Variants in ANKRD30A observed in about 807,000 individuals in gnomAD.
ANKRD30A encodes ankyrin repeat domain 30A, also known as ankyrin repeat domain-containing protein 30A.
Under a neutral mutation model 166.3 loss-of-function variants are expected in ANKRD30A, and 170 were observed. The ratio of observed to expected loss-of-function variants is 1.02; its 90% CI spans 0.90 to 1.16. The LOEUF is 1.16. ANKRD30A is among the 50% of genes most tolerant of loss of function. The pLI, the probability that ANKRD30A is intolerant of heterozygous loss-of-function variation, is 0.00. For synonymous variants in ANKRD30A, 564 were observed against 508.9 expected, an observed-to-expected ratio of 1.11 and a Z score of -1.46; for missense variants, 1,630 against 1,518.0, an observed-to-expected ratio of 1.07 and a Z score of -1.23.
chr10:37,248,295 T>TTCAGTTCTGG, the ANKRD30A span: 1 of 494,536 alleles, frequency 2.0e-6, no homozygotes, highest in Non-Finnish European at 4.0e-6. Context: ...CCTTCCACTG[T>TTCAGTTCTGG]TCAGTTCTGG....
At chr10:37,193,686 T>A (rs1250637445) in intron 27 of ANKRD30A, among the ~76,000 whole-genome samples, 2 of 152,104 alleles carry the variant, frequency 1.3e-5, no homozygotes, top group Non-Finnish European at 2.9e-5. Context: ...AATCAGTTTT[T>A]TTTTTATTAG....
the ANKRD30A span, among the ~76,000 whole-genome samples, chr10:37,260,790 T>TA: frequency 1.3e-5 from 2 of 152,020 alleles, no homozygotes; most frequent in Admixed American, 6.6e-5. Context: ...GGACTGAGTA[T>TA]AAAAAAGAAT....
At chr10:37,261,059 A>G in the ANKRD30A span, among the ~76,000 whole-genome samples, 1 of 152,214 alleles carries the variant, frequency 6.6e-6, no homozygotes. Flanking sequence ...AAAAAAATAT[A>G]AAAGAATAAA....
At chr10:37,201,959 G>A (rs1364130784) in intron 31 of ANKRD30A, among the ~76,000 whole-genome samples, 1 of 151,896 alleles carries the variant, frequency 6.6e-6, no homozygotes, top group Admixed American at 6.6e-5. Flanking sequence ...GAAAATCAGC[G>A]GGAAACCTAG....
At chr10:37,220,320 A>G (rs1311572029) in intron 34 of ANKRD30A, among the ~76,000 whole-genome samples, 2 of 151,052 alleles carry the variant, frequency 1.3e-5, no homozygotes, top group Non-Finnish European at 1.5e-5. Context: ...TGAAATTAAG[A>G]TTCAATTTAG....
intron 34 of ANKRD30A, among the ~76,000 whole-genome samples, chr10:37,225,161 A>C (rs561510204): frequency 1.3e-5 from 2 of 151,184 alleles, no homozygotes; most frequent in South Asian, 4.1e-4. Flanking sequence ...TAAAAACTAT[A>C]TATATGGTTA....
the ANKRD30A span, among the ~76,000 whole-genome samples, chr10:37,237,941 G>C: frequency 6.6e-6 from 1 of 152,002 alleles, no homozygotes; most frequent in African/African-American, 2.4e-5. Context: ...GGATTTAATA[G>C]GAAAGAAAGA....
intron 9 of ANKRD30A, among the ~76,000 whole-genome samples, chr10:37,148,477 T>A (rs11011049): frequency 0.11 from 16,750 of 151,998 alleles, 1,086 homozygotes; most frequent in Non-Finnish European, 0.15. Context: ...TAAATTTTTT[T>A]AAAAATTTTT....
chr10:37,212,890 AT>A (rs1842412061), intron 31 of ANKRD30A, among the ~76,000 whole-genome samples: 1 of 151,724 alleles, frequency 6.6e-6, no homozygotes, highest in African/African-American at 2.4e-5. Flanking sequence ...ATTTCAATGA[AT>A]TTGTCAATTT....
rs766585551 is a variant in ANKRD30A at position 37,142,247 on chromosome 10, T to G, written c.1350T>G (p.Ile450Met). ...TGGAAAAAGGAAGATCTAAGATGAT[T>G]GCATGTCCTACAAAAGAATCATCTA... is the stretch of plus-strand genomic sequence containing the variant. ...KVLEKGRSKM[I>M]ACPTKESSTK... Residue 450 changes from isoleucine to methionine, a missense_variant, in exon 7 of 36, where the codon ATT becomes ATG. Coordinates refer to ENST00000361713, the MANE Select transcript of ANKRD30A (RefSeq NM_052997.3). 4 of 1,602,002 alleles carry G rather than the reference T, an allele frequency of 2.5e-6. No individual in the cohort carries two copies. The Admixed American group carries it at 7.0e-5, about 28-fold the overall frequency.
At chr10:37,205,352 G>A (rs1160437046) in intron 31 of ANKRD30A, among the ~76,000 whole-genome samples, 2 of 143,586 alleles carry the variant, frequency 1.4e-5, no homozygotes. Flanking sequence ...CGCAAGGACA[G>A]AAAACCAAAC....
intron 1 of ANKRD30A, among the ~76,000 whole-genome samples, chr10:37,126,393 T>C (rs1482923689): frequency 6.6e-6 from 1 of 152,248 alleles, no homozygotes; most frequent in African/African-American, 2.4e-5. Context: ...AGATACATTA[T>C]GAAATGGTGC....
At position 37,183,454 on chromosome 10, in the gene ANKRD30A, G is replaced by C. The variant is rs552028045; in HGVS notation, c.2422-6013G>C. ...AGTGCCAAATAACAAATGGGCTCTT[G>C]TATATGAAATAATGTCTGAAGTTGC... is the stretch of plus-strand genomic sequence containing the variant. On this transcript the variant is annotated intron_variant, in intron 24 of 35. Coordinates refer to ENST00000361713, the MANE Select transcript of ANKRD30A (RefSeq NM_052997.3). Among the ~76,000 whole-genome samples the C allele has an allele frequency of 2.7e-5, 4 of 146,962 alleles. No homozygotes were observed. In the South Asian group the frequency reaches 8.9e-4, roughly 33 times the overall value.
At chr10:37,149,150 A>G (rs183134281) in intron 9 of ANKRD30A, among the ~76,000 whole-genome samples, 2 of 152,148 alleles carry the variant, frequency 1.3e-5, no homozygotes, top group Admixed American at 1.3e-4. Flanking sequence ...GGTTATGGAA[A>G]ACAATGAATA....
chr10:37,247,483 G>A, the ANKRD30A span, among the ~76,000 whole-genome samples: 1 of 151,986 alleles, frequency 6.6e-6, no homozygotes, highest in Admixed American at 6.5e-5. Context: ...GAATCTCATG[G>A]TTTGTACTTG....
At chr10:37,201,139 C>A in intron 30 of ANKRD30A, 96 bp from the exon 31 acceptor site, 2 of 1,040,136 alleles carry the variant, frequency 1.9e-6, no homozygotes, top group Non-Finnish European at 2.7e-6. Context: ...CAAAATAGGA[C>A]TTTTTTTTAA....
intron 13 of ANKRD30A, among the ~76,000 whole-genome samples, chr10:37,153,919 A>C (rs1838160099): frequency 6.6e-6 from 1 of 152,184 alleles, no homozygotes; most frequent in Non-Finnish European, 1.5e-5. Flanking sequence ...AATAAGAAAG[A>C]AGAATGTAGT....
intron 32 of ANKRD30A, 141 bp downstream of exon 32, chr10:37,216,535 A>T: frequency 1.4e-6 from 1 of 732,918 alleles, no homozygotes. Flanking sequence ...AATTCTTTAA[A>T]TAATACAAGT....
At chr10:37,247,968 T>A in the ANKRD30A span, 1 of 281,924 alleles carries the variant, frequency 3.5e-6, no homozygotes, top group Non-Finnish European at 7.1e-6. Context: ...CAAACCCCCA[T>A]GACATGAATT....
Sources: gnomAD v4.1 joint callset for allele counts (sites outside exome capture counted in the v4.1 genomes callset) on GRCh38, gnomAD v4.1.1 for gene constraint, MANE v1.5 for transcripts, NCBI Gene and HGNC (gene_info 2026-07-23, HGNC 2026-07-21) for gene names.